Variants in LDLRAD4 observed in about 807,000 individuals in gnomAD.
LDLRAD4 encodes low-density lipoprotein receptor class A domain-containing protein 4.
Under a neutral mutation model 17.0 loss-of-function variants are expected in LDLRAD4, and 5 were observed. That is an observed-to-expected ratio of 0.29 (90% CI 0.15 to 0.62). The LOEUF is 0.62. Ranked by LOEUF, LDLRAD4 falls within the 20% of genes least tolerant of loss-of-function variation. The pLI is 0.84. For synonymous variants in LDLRAD4, 168 were observed against 171.8 expected (o/e 0.98, Z 0.17); for missense variants, 340 against 424.7 (o/e 0.80, Z 1.75).
At chr18:13,223,972 A>G (rs950297857) in intron 1 of LDLRAD4, among the ~76,000 whole-genome samples, 23 of 152,162 alleles carry the variant, frequency 1.5e-4, no homozygotes, top group African/African-American at 4.3e-4. Context: ...GGGACCACTT[A>G]CTGGCAGGGT....
At chr18:13,578,549 A>T (rs1446745486) in intron 3 of LDLRAD4, among the ~76,000 whole-genome samples, 1 of 152,208 alleles carries the variant, frequency 6.6e-6, no homozygotes, top group Non-Finnish European at 1.5e-5. Context: ...GACAGGAAAG[A>T]AGAAACACAT....
In LDLRAD4 at chr18:13,481,016, G is replaced by A. The variant is rs571935399; in HGVS notation, c.181+42632G>A. Among the ~76,000 whole-genome samples, 11 of 152,350 alleles carry A rather than the reference G, an allele frequency of 7.2e-5. No individual in the cohort carries two copies. In the East Asian group the frequency reaches 1.2e-3, roughly 16 times the overall value. ...GATCGTTGTCTTCCTGGGAACTCTG[G>A]TGTGGGAGCTGTGGATGCACATGTC... On this transcript the variant is annotated intron_variant, in intron 3 of 5. Coordinates refer to ENST00000359446, the Ensembl canonical transcript of LDLRAD4.
chr18:13,340,221 T>C (rs2082302955), intron 1 of LDLRAD4, among the ~76,000 whole-genome samples: 1 of 152,240 alleles, frequency 6.6e-6, no homozygotes, highest in South Asian at 2.1e-4. Flanking sequence ...ATAATGCTGC[T>C]ATGAACATTG....
At chr18:13,554,920 G>C (rs1277672976) in intron 3 of LDLRAD4, among the ~76,000 whole-genome samples, 2 of 152,130 alleles carry the variant, frequency 1.3e-5, no homozygotes, top group East Asian at 3.9e-4. Context: ...AACACTCCAG[G>C]TGATCACGCC....
intron 3 of LDLRAD4, among the ~76,000 whole-genome samples, chr18:13,559,929 C>T (rs1225779948): frequency 2.0e-5 from 3 of 152,046 alleles, no homozygotes; most frequent in Admixed American, 6.5e-5. Flanking sequence ...AAGTGCCTAT[C>T]TTCAAACCAA....
At chr18:13,284,980 C>T (rs1421914839) in intron 1 of LDLRAD4, among the ~76,000 whole-genome samples, 2 of 152,188 alleles carry the variant, frequency 1.3e-5, no homozygotes, top group Admixed American at 6.5e-5. Context: ...GGCTGTGCCT[C>T]TCAAGCCGAT....
intron 1 of LDLRAD4, among the ~76,000 whole-genome samples, chr18:13,299,234 C>T (rs758612215): frequency 9.9e-5 from 15 of 152,238 alleles, no homozygotes; most frequent in Non-Finnish European, 2.1e-4. Context: ...CACATTTTAG[C>T]AAACGTAGTG....
intron 3 of LDLRAD4, among the ~76,000 whole-genome samples, chr18:13,518,703 C>T (rs1026456416): frequency 1.3e-5 from 2 of 152,162 alleles, no homozygotes; most frequent in Non-Finnish European, 2.9e-5. Context: ...TGAATTTATA[C>T]CCACCAGATG....
At chr18:13,507,442 C>T (rs1403432783) in intron 3 of LDLRAD4, among the ~76,000 whole-genome samples, 1 of 152,212 alleles carries the variant, frequency 6.6e-6, no homozygotes, top group Non-Finnish European at 1.5e-5. Flanking sequence ...TCCTGAGATA[C>T]TCCACTTGGA....
chr18:13,278,815 A>G (rs78331323), intron 1 of LDLRAD4, among the ~76,000 whole-genome samples: 2,375 of 152,254 alleles, frequency 0.016, 27 homozygotes, highest in South Asian at 0.027. Context: ...GGTCTAGAAC[A>G]GTGCCTGCAG....
chr18:13,363,226 G>T (rs1300282746), intron 1 of LDLRAD4, among the ~76,000 whole-genome samples: 1 of 151,908 alleles, frequency 6.6e-6, no homozygotes, highest in East Asian at 1.9e-4. Context: ...CAGCTACGTG[G>T]GAGGCTGAGG....
At position 13,645,207 on chromosome 18, in the gene LDLRAD4, C is replaced by T. The variant is rs1376918327; in HGVS notation, c.471C>T (p.Pro157=). Residue 157 remains proline (P), a synonymous_variant, in exon 6 of 6, where the codon CCC becomes CCT. Transcript: ENST00000359446. This position sits in a 1 kb window ranked among gnomAD's most constrained non-coding sequence, Gnocchi z 5.7. ...GGGATCGCTTCAGCCGCTTCCAGCCCACCTACCCCTATGTGCAGCACGAGA... is the reference window on the plus strand; with the variant it reads ...GGGATCGCTTCAGCCGCTTCCAGCCTACCTACCCCTATGTGCAGCACGAGA... 9 of 1,614,088 alleles carry T rather than the reference C, an allele frequency of 5.6e-6. No individual in the cohort carries two copies. The East Asian group carries it at 1.6e-4, about 28-fold the overall frequency.
At chr18:13,386,513 A>G (rs138514370) in intron 1 of LDLRAD4, among the ~76,000 whole-genome samples, 2,415 of 152,066 alleles carry the variant, frequency 0.016, 64 homozygotes, top group African/African-American at 0.056. Flanking sequence ...GATTACAGGC[A>G]TACACCACCA....
chr18:13,249,750 C>T (rs1406408850), intron 1 of LDLRAD4, among the ~76,000 whole-genome samples: 1 of 151,952 alleles, frequency 6.6e-6, no homozygotes, highest in African/African-American at 2.4e-5. Context: ...GCTTTTAGGT[C>T]GATATAATCC....
chr18:13,243,069 G>A (rs1210843237), intron 1 of LDLRAD4, among the ~76,000 whole-genome samples: 1 of 152,234 alleles, frequency 6.6e-6, no homozygotes, highest in Non-Finnish European at 1.5e-5. Flanking sequence ...GGGCTGTTTT[G>A]TATGCTGGAA....
rs186756963 is a variant in LDLRAD4 at position 13,270,677 on chromosome 18, C to T, written c.-466-7428C>T. Among the ~76,000 whole-genome samples the T allele has an allele frequency of 8.5e-5, 13 of 152,316 alleles. 1 individual carries two copies. In the East Asian group the frequency reaches 1.5e-3, roughly 18 times the overall value. On this transcript the variant is annotated intron_variant, in intron 1 of 5. Coordinates refer to the LDLRAD4 transcript ENST00000399848. ...AGTTAGCTGCTTTCTGCTTTCTGGA[C>T]CCTGCATGGTTGTGCTGCGAGGGAT...
At chr18:13,490,732 T>C (rs944394151) in intron 3 of LDLRAD4, 1 of 152,202 alleles carries the variant, frequency 6.6e-6, no homozygotes, top group African/African-American at 2.4e-5. Context: ...GGAAGTTTTT[T>C]AAAATGATGT....
At chr18:13,511,926 A>G (rs2093787225) in intron 3 of LDLRAD4, among the ~76,000 whole-genome samples, 2 of 152,226 alleles carry the variant, frequency 1.3e-5, no homozygotes, top group Non-Finnish European at 2.9e-5. Context: ...CGTCACTGGC[A>G]TGGGGCATGT....
At chr18:13,413,150 G>T (rs1354760460) in intron 2 of LDLRAD4, among the ~76,000 whole-genome samples, 1 of 152,136 alleles carries the variant, frequency 6.6e-6, no homozygotes, top group Non-Finnish European at 1.5e-5. Context: ...AGCTTGGGTC[G>T]CATGACTGTG....
Sources: gnomAD v4.1 joint callset for allele counts (sites outside exome capture counted in the v4.1 genomes callset) on GRCh38, gnomAD v4.1.1 for gene constraint, Gnocchi (gnomAD v3.1) non-coding constraint, MANE v1.5 for transcripts, NCBI Gene and HGNC (gene_info 2026-07-23, HGNC 2026-07-21) for gene names.